The following ADCY1 variants were observed in gnomAD, a reference collection of about 807,000 sequenced individuals.
The protein encoded by ADCY1 is adenylate cyclase type 1.
A neutral mutation model predicts 105.4 loss-of-function variants in ADCY1; 28 were observed. That is an observed-to-expected ratio of 0.27 (90% CI 0.20 to 0.36). The LOEUF (loss-of-function observed/expected upper bound fraction) is 0.36. Among genes scored for constraint, ADCY1 ranks in the 10% least tolerant of loss-of-function variants. The probability of loss-of-function intolerance (pLI) is 1.00; values close to 1 mark genes in which losing one functional copy is unlikely to be tolerated. For synonymous variants in ADCY1, 655 were observed against 623.8 expected (o/e 1.05, Z -0.75); for missense variants, 977 against 1,434.2 (o/e 0.68, Z 5.15).
chr7:45,686,473 T>G lies in ADCY1; in HGVS notation c.2328-74T>G. 1 of 1,553,698 alleles carries G rather than the reference T, an allele frequency of 6.4e-7. No homozygotes were observed. The highest frequency in any genetic ancestry group is 1.8e-4 in the Middle Eastern group (1 of 5,648). ...CCACCTGAGGGTCACTCTGAACAGT[T>G]CTTGGGTTTGGTGGCAGAGTCTTGC... is the stretch of plus-strand genomic sequence containing the variant. On this transcript the variant is annotated intron_variant, in intron 13 of 19. Coordinates refer to ENST00000297323, the MANE Select transcript of ADCY1 (RefSeq NM_021116.4). The surrounding 1 kb of genome is among the most constrained non-coding windows in gnomAD (Gnocchi z 4.3).
chr7:45,703,740 T>C lies in ADCY1; in HGVS notation c.2712T>C (p.Phe904=), dbSNP rs374562378. The C allele has an allele frequency of 2.5e-6, 4 of 1,581,098 alleles. No individual in the cohort carries two copies. The highest frequency in any genetic ancestry group is 3.4e-6 in the Non-Finnish European group (4 of 1,161,600). Residue 904 remains phenylalanine, a synonymous_variant, in exon 16 of 20, where the codon TTT becomes TTC. Transcript: ENST00000297323. This position sits in a 1 kb window ranked among gnomAD's most constrained non-coding sequence, Gnocchi z 5.9. Reference sequence around the variant, plus strand: ...TTCTCAACGAGATCATCGCCGACTTTGACGAGGTGAGGCTGTGCGTCGCCA... The same window carrying C: ...TTCTCAACGAGATCATCGCCGACTTCGACGAGGTGAGGCTGTGCGTCGCCA... ...LRLLNEIIAD[F]DELMEKDFYK...
intron 4 of ADCY1, among the ~76,000 whole-genome samples, chr7:45,638,993 G>C (rs989607369): frequency 6.6e-6 from 1 of 152,124 alleles, no homozygotes; most frequent in African/African-American, 2.4e-5. Context: ...GACCACATGG[G>C]ATGTGTGTCC....
At chr7:45,676,610 T>A (rs1195136211) in intron 8 of ADCY1, among the ~76,000 whole-genome samples, 1 of 152,190 alleles carries the variant, frequency 6.6e-6, no homozygotes, top group Non-Finnish European at 1.5e-5. Context: ...GGCACCTTGT[T>A]ACTGTTGAGT....
chr7:45,695,913 G>A (rs1317519491), intron 14 of ADCY1, among the ~76,000 whole-genome samples: 3 of 152,218 alleles, frequency 2.0e-5, no homozygotes, highest in African/African-American at 7.2e-5. Flanking sequence ...GCTAATGCAG[G>A]CACCTCTGTG....
At position 45,686,195 on chromosome 7, in the gene ADCY1, C is replaced by A; in HGVS notation, c.2307C>A (p.Leu769=). 1 of 1,614,006 alleles carries A rather than the reference C, an allele frequency of 6.2e-7. No individual in the cohort carries two copies. The highest frequency in any genetic ancestry group is 8.5e-7 in the Non-Finnish European group (1 of 1,179,932). Residue 769 remains leucine (L), a synonymous_variant, in exon 13 of 20, where the codon CTC becomes CTA. Transcript: ENST00000297323. The surrounding 1 kb of genome is among the most constrained non-coding windows in gnomAD (Gnocchi z 4.3). ...LTTSYILVLE[L]SGYTRTGGGA... is the part of the protein sequence containing the mutation. ...CGTCCTACATCCTCGTTCTGGAGCTCAGCGGATACACCAGGACTGGGTAAG... is the reference window on the plus strand; with the variant it reads ...CGTCCTACATCCTCGTTCTGGAGCTAAGCGGATACACCAGGACTGGGTAAG...
At chr7:45,671,111 T>G (rs1322584273) in intron 8 of ADCY1, among the ~76,000 whole-genome samples, 7 of 152,234 alleles carry the variant, frequency 4.6e-5, no homozygotes, top group African/African-American at 1.7e-4. Flanking sequence ...CCTCATTATC[T>G]CCAGCTTCAG....
In ADCY1 at chr7:45,721,795, C is replaced by G; in HGVS notation, c.*7800C>G. The G allele has an allele frequency of 2.5e-6, 1 of 398,600 alleles. No individual in the cohort carries two copies. The highest frequency in any genetic ancestry group is 4.4e-6 in the Non-Finnish European group (1 of 226,080). 24.7% of individuals were successfully genotyped at this position (398,600 alleles called of 1,614,324 possible). ...AACCACCAGAGCACATGTGCTCTGA[C>G]CCTCTCCTGGGCATTGGTTCCTGCT... On this transcript the variant is annotated 3_prime_UTR_variant, in exon 20 of 20. Coordinates refer to ENST00000297323, the MANE Select transcript of ADCY1 (RefSeq NM_021116.4).
At chr7:45,711,095 C>T (rs1584348129) in intron 19 of ADCY1, among the ~76,000 whole-genome samples, 1 of 152,202 alleles carries the variant, frequency 6.6e-6, no homozygotes, top group Non-Finnish European at 1.5e-5. Context: ...GTGGCTGACA[C>T]CCTCTAAAAG....
At chr7:45,585,294 T>G (rs1403966221) in intron 1 of ADCY1, among the ~76,000 whole-genome samples, 1 of 152,222 alleles carries the variant, frequency 6.6e-6, no homozygotes, top group African/African-American at 2.4e-5. Flanking sequence ...AAACATTGGC[T>G]TAGCCTAAAG....
chr7:45,574,573 C>CGGCGGA lies in ADCY1; in HGVS notation c.36_41dup (p.Gly13_Gly14dup), dbSNP rs1324789754. 1.0e-6 allele frequency: 1 copy of CGGCGGA among 986,252 alleles called. No homozygotes were observed. The highest frequency in any genetic ancestry group is 1.2e-6 in the Non-Finnish European group (1 of 832,546). 61.1% of individuals were successfully genotyped at this position (986,252 alleles called of 1,614,324 possible). A position where few individuals can be genotyped will look rare whatever the true frequency, so the allele number is the denominator to read the frequency against. ...CGGGGGCGCCGCGCGGCGGAGGCGG[C>CGGCGGA]GGCGGAGGCGGCGCGGGCGAGCCCG... On this transcript the variant is annotated inframe_insertion, in exon 1 of 20. Transcript: ENST00000297323. The surrounding 1 kb of genome is among the most constrained non-coding windows in gnomAD (Gnocchi z 7.0).
chr7:45,583,207 GTGCATGTGTGCA>G (rs1170335593), intron 1 of ADCY1, among the ~76,000 whole-genome samples: 1 of 152,366 alleles, frequency 6.6e-6, no homozygotes, highest in African/African-American at 2.4e-5. Context: ...GCATGCCCAT[GTGCATGTGTGCA>G]TGCATGTGTG....
At chr7:45,657,082 T>G (rs1794961586) in intron 5 of ADCY1, among the ~76,000 whole-genome samples, 1 of 152,226 alleles carries the variant, frequency 6.6e-6, no homozygotes, top group African/African-American at 2.4e-5. Context: ...TTCCCTTCCC[T>G]AATACCCCTT....
In ADCY1 at chr7:45,722,590, CGTA is replaced by C. The variant is rs1419672985; in HGVS notation, c.*8598_*8600del. On this transcript the variant is annotated 3_prime_UTR_variant, in exon 20 of 20. Coordinates refer to ENST00000297323, the MANE Select transcript of ADCY1 (RefSeq NM_021116.4). ...AATGTCCTTATTATGATGACCATCTCGTAGTGGTACATTCCATTCCTATTTAAG... is the reference window on the plus strand; with the variant it reads ...AATGTCCTTATTATGATGACCATCTCGTGGTACATTCCATTCCTATTTAAG... 6.6e-6 allele frequency: 1 copy of C among 152,188 alleles called. No individual in the cohort carries two copies. Among genetic ancestry groups the C allele is most frequent in the Non-Finnish European group, 1.5e-5 (1 of 68,034 alleles). The allele number at this position is 152,188 out of a possible 1,614,324, so 9.4% of individuals were successfully genotyped here.
At chr7:45,609,367 G>A (rs141872544) in intron 2 of ADCY1, among the ~76,000 whole-genome samples, 1 of 152,310 alleles carries the variant, frequency 6.6e-6, no homozygotes, top group East Asian at 1.9e-4. Context: ...TCAGTGCTGG[G>A]TGCCCGCGTG....
At chr7:45,617,824 C>T (rs1246751321) in intron 3 of ADCY1, among the ~76,000 whole-genome samples, 2 of 152,134 alleles carry the variant, frequency 1.3e-5, no homozygotes, top group African/African-American at 4.8e-5. Flanking sequence ...TCTACAGATT[C>T]AGTGCAATCT....
intron 4 of ADCY1, among the ~76,000 whole-genome samples, chr7:45,632,098 C>A (rs919521327): frequency 6.6e-6 from 1 of 152,068 alleles, no homozygotes; most frequent in African/African-American, 2.4e-5. Flanking sequence ...ATTCCCTTTC[C>A]AAAATGTTAG....
chr7:45,597,853 T>A (rs1311974940), intron 2 of ADCY1, among the ~76,000 whole-genome samples: 1 of 152,200 alleles, frequency 6.6e-6, no homozygotes, highest in Non-Finnish European at 1.5e-5. Flanking sequence ...TTCCTGTCTG[T>A]CTGGAAAGTT....
At chr7:45,661,520 T>A (rs1795105551) in intron 7 of ADCY1, among the ~76,000 whole-genome samples, 2 of 152,056 alleles carry the variant, frequency 1.3e-5, no homozygotes, top group Admixed American at 1.3e-4. Flanking sequence ...TCCTATCACC[T>A]CATTTGACCT....
intron 4 of ADCY1, among the ~76,000 whole-genome samples, chr7:45,626,797 A>G (rs773591327): frequency 4.6e-5 from 7 of 152,208 alleles, no homozygotes; most frequent in Non-Finnish European, 8.8e-5. Flanking sequence ...GAGCTCGATT[A>G]GGGATCTCAC....
Sources: gnomAD v4.1 joint callset for allele counts (sites outside exome capture counted in the v4.1 genomes callset) on GRCh38, gnomAD v4.1.1 for gene constraint, Gnocchi (gnomAD v3.1) non-coding constraint, MANE v1.5 for transcripts, NCBI Gene and HGNC (gene_info 2026-07-23, HGNC 2026-07-21) for gene names.